EFR3B: variants seen among roughly 807,000 people sequenced by gnomAD.
EFR3B encodes protein EFR3 homolog B.
Under a neutral mutation model 104.7 loss-of-function variants are expected in EFR3B, and 64 were observed. The observed-to-expected ratio is 0.61, with a 90% CI of 0.50 to 0.75. The LOEUF is 0.75. EFR3B is among the 30% of genes least tolerant of loss of function. EFR3B has a pLI of 0.00. For missense variants in EFR3B, 750 were observed against 1,078.5 expected, an observed-to-expected ratio of 0.70 and a Z score of 4.27; for synonymous variants, 385 against 417.9, an observed-to-expected ratio of 0.92 and a Z score of 0.96.
intron 4 of EFR3B, among the ~76,000 whole-genome samples, chr2:25,113,941 C>T (rs990449247): frequency 1.3e-5 from 2 of 152,062 alleles, no homozygotes; most frequent in Non-Finnish European, 2.9e-5. Flanking sequence ...GTAAGCTTGT[C>T]CCAGATCACC....
chr2:25,149,684 TCTC>T lies in EFR3B; in HGVS notation c.2143-7_2143-5del, dbSNP rs1453072672. On this transcript the variant is annotated splice_region_variant and splice_polypyrimidine_tract_variant and intron_variant, in intron 19 of 22. Transcript: ENST00000403714. Reference sequence around the variant, plus strand: ...TGCCTTTCTGAGCATCTCTGTCCCTTCTCCTTCAGCGAGTGCCTGCCGAGGAGA... The same window carrying T: ...TGCCTTTCTGAGCATCTCTGTCCCTTCTTCAGCGAGTGCCTGCCGAGGAGA... 6.4e-7 allele frequency: 1 copy of T among 1,551,420 alleles called. No homozygotes were observed. The highest frequency in any genetic ancestry group is 8.7e-7 in the Non-Finnish European group (1 of 1,146,788).
intron 1 of EFR3B, among the ~76,000 whole-genome samples, chr2:25,049,841 G>A (rs1667817678): frequency 6.6e-6 from 1 of 151,774 alleles, no homozygotes; most frequent in African/African-American, 2.4e-5. Context: ...TAGGCTGGTC[G>A]CGGTGGCTCA....
intron 5 of EFR3B, among the ~76,000 whole-genome samples, chr2:25,124,664 C>CG (rs1670116166): frequency 6.7e-6 from 1 of 149,136 alleles, no homozygotes; most frequent in Non-Finnish European, 1.5e-5. Context: ...TGTGTAAACC[C>CG]GGAGGCAGAG....
At chr2:25,138,789 A>G (rs1038408720) in intron 15 of EFR3B, among the ~76,000 whole-genome samples, 2 of 152,142 alleles carry the variant, frequency 1.3e-5, no homozygotes, top group African/African-American at 4.8e-5. Flanking sequence ...CACAGCTGGA[A>G]CTGCAGAGTG....
At chr2:25,080,913 A>C in intron 1 of EFR3B, 1 of 775,152 alleles carries the variant, frequency 1.3e-6, no homozygotes, top group Admixed American at 1.7e-5. Flanking sequence ...GGAATCCACA[A>C]TATTAGGTGG....
intron 1 of EFR3B, among the ~76,000 whole-genome samples, chr2:25,044,863 A>T (rs563803371): frequency 2.6e-5 from 4 of 151,968 alleles, no homozygotes; most frequent in Admixed American, 6.6e-5. Context: ...CCTTCTGCTT[A>T]TGGGAGGCTG....
At chr2:25,126,067 C>G (rs1418440897) in intron 5 of EFR3B, among the ~76,000 whole-genome samples, 5 of 152,178 alleles carry the variant, frequency 3.3e-5, no homozygotes, top group African/African-American at 1.2e-4. Flanking sequence ...AAAATTAGAA[C>G]AGATGTTTAA....
At chr2:25,103,496 C>G in intron 3 of EFR3B, 141 bp from the exon 4 acceptor site, 2 of 1,186,762 alleles carry the variant, frequency 1.7e-6, no homozygotes. Flanking sequence ...GAAAGGCTAT[C>G]CAGACGTTGG....
chr2:25,136,402 C>A lies in EFR3B; in HGVS notation c.1485-121C>A. The A allele has an allele frequency of 2.8e-6, 2 of 709,532 alleles. No homozygotes were observed. The highest frequency in any genetic ancestry group is 2.7e-5 in the Admixed American group (1 of 37,474). 44.0% of individuals were successfully genotyped at this position (709,532 alleles called of 1,614,324 possible). ...AAGGTAATCGGGCTGAGAACCAGGGCCAGGGGAGCACTGGAGGCTTTGTAC... is the reference window on the plus strand; with the variant it reads ...AAGGTAATCGGGCTGAGAACCAGGGACAGGGGAGCACTGGAGGCTTTGTAC... On this transcript the variant is annotated intron_variant, in intron 13 of 22. Transcript: ENST00000403714. This position sits in a 1 kb window ranked among gnomAD's most constrained non-coding sequence, Gnocchi z 4.0.
chr2:25,105,443 G>A (rs112608814), intron 4 of EFR3B, among the ~76,000 whole-genome samples: 4,358 of 152,282 alleles, frequency 0.029, 266 homozygotes, highest in East Asian at 0.27. Flanking sequence ...GAGCCACCAC[G>A]CCCAGCCCTC....
rs1320765679 is a variant in EFR3B at position 25,154,697 on chromosome 2, C to T, written c.*357C>T. ...TGAAGGGCATGTCCTCCCCAGAGGA[C>T]GGAGCTGGATGGAGACTTGGTTGGT... On this transcript the variant is annotated 3_prime_UTR_variant, in exon 23 of 23. Coordinates refer to ENST00000403714, the MANE Select transcript of EFR3B (RefSeq NM_014971.2). This position sits in a 1 kb window ranked among gnomAD's most constrained non-coding sequence, Gnocchi z 4.1. 2 of 211,374 alleles carry T rather than the reference C, an allele frequency of 9.5e-6. No individual in the cohort carries two copies. The highest frequency in any genetic ancestry group is 1.3e-4 in the East Asian group (1 of 7,806). 13.1% of individuals were successfully genotyped at this position (211,374 alleles called of 1,614,324 possible).
chr2:25,137,670 C>T lies in EFR3B; in HGVS notation c.1722+168C>T, dbSNP rs1305498209. Among the ~76,000 whole-genome samples the T allele has an allele frequency of 6.6e-6, 1 of 152,198 alleles. No individual in the cohort carries two copies. The highest frequency in any genetic ancestry group is 1.5e-5 in the Non-Finnish European group (1 of 68,030). ...TCCCTGAAGACCCCAAACCATGGTCCTGTTTGGGGAACCCCAAAGAATGCT... is the reference window on the plus strand; with the variant it reads ...TCCCTGAAGACCCCAAACCATGGTCTTGTTTGGGGAACCCCAAAGAATGCT... On this transcript the variant is annotated intron_variant, in intron 15 of 22. Coordinates refer to ENST00000403714, the MANE Select transcript of EFR3B (RefSeq NM_014971.2). The surrounding 1 kb of genome is among the most constrained non-coding windows in gnomAD (Gnocchi z 4.7).
At position 25,157,903 on chromosome 2, in the gene EFR3B, C is replaced by G. The variant is rs1043386523; in HGVS notation, c.*3563C>G. 1 of 152,488 alleles carries G rather than the reference C, an allele frequency of 6.6e-6. No homozygotes were observed. Among genetic ancestry groups the G allele is most frequent in the Admixed American group, 6.5e-5 (1 of 15,280 alleles). 9.4% of individuals were successfully genotyped at this position (152,488 alleles called of 1,614,324 possible). On this transcript the variant is annotated 3_prime_UTR_variant, in exon 23 of 23. Coordinates refer to ENST00000403714, the MANE Select transcript of EFR3B (RefSeq NM_014971.2). The stretch of plus-strand genomic sequence containing the variant: ...GAAGAACTAGAAAAGTCCTCAGATA[C>G]CCCCCTCTGTCCAGCCCCCTTTCCC...
At chr2:25,107,391 G>T (rs534743247) in intron 4 of EFR3B, among the ~76,000 whole-genome samples, 1 of 152,252 alleles carries the variant, frequency 6.6e-6, no homozygotes, top group African/African-American at 2.4e-5. Context: ...TCTGCAGAAC[G>T]TCTCTTCAGA....
intron 1 of EFR3B, among the ~76,000 whole-genome samples, chr2:25,090,239 G>A (rs1006777670): frequency 9.2e-5 from 14 of 152,164 alleles, no homozygotes; most frequent in Non-Finnish European, 1.9e-4. Context: ...GACTTTCCCA[G>A]GCCCCCCGGG....
chr2:25,155,202 G>C lies in EFR3B; in HGVS notation c.*862G>C, dbSNP rs2149216351. ...AGGCAGAGCAAGATAATCTTGGAGG[G>C]GAACTACAGGGTCCCCAAGATTTGC... On this transcript the variant is annotated 3_prime_UTR_variant, in exon 23 of 23. Transcript: ENST00000403714. The C allele has an allele frequency of 6.6e-6, 1 of 152,290 alleles. No individual in the cohort carries two copies. The highest frequency in any genetic ancestry group is 2.1e-4 in the South Asian group (1 of 4,812). 9.4% of individuals were successfully genotyped at this position (152,290 alleles called of 1,614,324 possible).
chr2:25,067,688 C>G (rs1219405195), intron 1 of EFR3B, among the ~76,000 whole-genome samples: 1 of 152,010 alleles, frequency 6.6e-6, no homozygotes, highest in Non-Finnish European at 1.5e-5. Flanking sequence ...TGGCCACAGC[C>G]TCCTTTTGAA....
chr2:25,156,290 G>GTTTTTTTTTT lies in EFR3B; in HGVS notation c.*1966_*1975dup, dbSNP rs1034346702. ...TGTGGGCACACAGCTTCTTTTTCTT[G>GTTTTTTTTTT]TTTTTTTTTTTTTTTTTTTTTTTTT... On this transcript the variant is annotated 3_prime_UTR_variant, in exon 23 of 23. Transcript: ENST00000403714. The GTTTTTTTTTT allele has an allele frequency of 5.6e-5, 4 of 71,770 alleles. No homozygotes were observed. The highest frequency in any genetic ancestry group is 2.0e-4 in the Admixed American group (1 of 4,964). 4.4% of individuals were successfully genotyped at this position (71,770 alleles called of 1,614,324 possible).
chr2:25,124,726 G>A (rs1222421093), intron 5 of EFR3B, among the ~76,000 whole-genome samples: 1 of 120,812 alleles, frequency 8.3e-6, no homozygotes, highest in South Asian at 3.1e-4. Flanking sequence ...GCAACACAGC[G>A]AGACTCTGTC....
Sources: gnomAD v4.1 joint callset for allele counts (sites outside exome capture counted in the v4.1 genomes callset) on GRCh38, gnomAD v4.1.1 for gene constraint, Gnocchi (gnomAD v3.1) non-coding constraint, MANE v1.5 for transcripts, NCBI Gene and HGNC (gene_info 2026-07-23, HGNC 2026-07-21) for gene names.